The following FOXM1 variants were observed in gnomAD, a reference collection of about 807,000 sequenced individuals.
FOXM1 encodes the protein forkhead box M1, also known as forkhead box protein M1.
Under a neutral mutation model 63.6 loss-of-function variants are expected in FOXM1, and 25 were observed. The observed-to-expected ratio is 0.39, with a 90% confidence interval of 0.29 to 0.55. The LOEUF is 0.55. Ranked by LOEUF, FOXM1 falls within the 20% of genes least tolerant of loss-of-function variation. The pLI is 0.60. For synonymous variants in FOXM1, 387 were observed against 376.9 expected (o/e 1.03, Z -0.31); for missense variants, 879 against 958.7 (o/e 0.92, Z 1.10).
Position 2,859,135 on chromosome 12 carries a change from TA to T in FOXM1, c.1794del (p.Phe598LeufsTer35). On this transcript the variant is annotated frameshift_variant, in exon 9 of 9. Transcript: ENST00000359843. LOFTEE classifies it high-confidence loss of function. ...GGCAGCGTTTCCTTAATGGGTGTCT[TA>T]AAAGGTCCTCCCACTTCCTGGGAGT... ...LSYSQEVGGP[F>X]KTPIKETLPI... The T allele has an allele frequency of 1.2e-6, 2 of 1,606,046 alleles. No individual in the cohort carries two copies. Among genetic ancestry groups the T allele is most frequent in the African/African-American group, 2.7e-5 (2 of 74,758 alleles).
At chr12:2,866,298 C>G (rs2098123018) in intron 5 of FOXM1, 95 bp downstream of exon 5, 1 of 1,286,734 alleles carries the variant, frequency 7.8e-7, no homozygotes, top group Non-Finnish European at 1.0e-6. Flanking sequence ...CTCCCCTGAT[C>G]AAATGAAAGC....
In FOXM1 at chr12:2,871,065, G is replaced by A. The variant is rs964244335; in HGVS notation, c.654+1031C>T. On this transcript the variant is annotated intron_variant, in intron 3 of 8. Coordinates refer to ENST00000359843, the MANE Select transcript of FOXM1 (RefSeq NM_021953.4). ...GCCTTCTTGAGGGTGGAGAGTGGGA[G>A]GAGGGGGAGACAGAAAAACTACCTA... Among the ~76,000 whole-genome samples the A allele has an allele frequency of 7.2e-5, 11 of 151,732 alleles. 1 individual carries two copies. The South Asian group carries it at 2.3e-3, about 32-fold the overall frequency.
rs2098098108 is a variant in FOXM1, at chr12:2,858,695, C to T, written c.2235G>A (p.Glu745=). 2 of 1,614,054 alleles carry T rather than the reference C, an allele frequency of 1.2e-6. No individual in the cohort carries two copies. Among genetic ancestry groups the T allele is most frequent in the Non-Finnish European group, 1.7e-6 (2 of 1,180,036 alleles). The change falls in exon 9 of 9, where the codon GAG becomes GAA. Residue 745 remains glutamate, a synonymous_variant. Coordinates refer to ENST00000359843, the MANE Select transcript of FOXM1 (RefSeq NM_021953.4). ...LLDISFPGLD[E]DPLGPDNINW... is the part of the protein sequence containing the mutation. ...TGATGTTGTCAGGGCCCAGTGGGTC[C>T]TCGTCCAGGCCAGGAAAGCTGATGT... is the stretch of plus-strand genomic sequence containing the variant.
intron 3 of FOXM1, among the ~76,000 whole-genome samples, chr12:2,871,249 C>T (rs1441887413): frequency 1.3e-5 from 2 of 152,104 alleles, no homozygotes; most frequent in Non-Finnish European, 2.9e-5. Context: ...GTGATTTACA[C>T]ATATATACAA....
At chr12:2,860,402 A>C (rs1245055043) in intron 8 of FOXM1, among the ~76,000 whole-genome samples, 1 of 151,226 alleles carries the variant, frequency 6.6e-6, no homozygotes, top group Non-Finnish European at 1.5e-5. Context: ...TGGGAAGATC[A>C]CTTGAGCCTG....
rs774228254 is a variant in FOXM1, at chr12:2,858,356, G to A, written c.*282C>T. On this transcript the variant is annotated 3_prime_UTR_variant, in exon 9 of 9. Coordinates refer to ENST00000359843, the MANE Select transcript of FOXM1 (RefSeq NM_021953.4). ...GGTAAGAGACTGCTGGGCAGAGAAT[G>A]GAAACAGGCTGGGGGGTTCCTAATC... 2 of 406,354 alleles carry A rather than the reference G, an allele frequency of 4.9e-6. No individual in the cohort carries two copies. Among genetic ancestry groups the A allele is most frequent in the South Asian group, 9.8e-5 (2 of 20,398 alleles). The allele number at this position is 406,354 out of a possible 1,614,324, so 25.2% of individuals were successfully genotyped here.
Position 2,874,907 on chromosome 12 carries a change from T to A in FOXM1, c.-47-382A>T, listed in dbSNP as rs1324440052. ...TGACTGTATGGACAGAAATGGAAGA[T>A]GCTAGAATAGGAAAGCATATGGTAA... On this transcript the variant is annotated intron_variant, in intron 1 of 8. Transcript: ENST00000359843. The surrounding 1 kb of genome is among the most constrained non-coding windows in gnomAD (Gnocchi z 4.3). Among the ~76,000 whole-genome samples the A allele has an allele frequency of 6.6e-6, 1 of 152,110 alleles. No homozygotes were observed. The highest frequency in any genetic ancestry group is 1.5e-5 in the Non-Finnish European group (1 of 68,036).
chr12:2,873,917 C>A (rs1163588538), intron 2 of FOXM1, 60 bp downstream of exon 2: 1 of 1,539,932 alleles, frequency 6.5e-7, no homozygotes, highest in Non-Finnish European at 8.8e-7. Context: ...TGACTACACA[C>A]CTTGCCACTA....
chr12:2,875,080 C>T (rs2098140024), intron 1 of FOXM1, among the ~76,000 whole-genome samples: 2 of 150,080 alleles, frequency 1.3e-5, no homozygotes, highest in Admixed American at 6.7e-5. Flanking sequence ...GCAACCTCTG[C>T]CTCCTGGGTT....
rs890270575 is a variant in FOXM1 at position 2,873,423 on chromosome 12, G to A, written c.502+554C>T. On this transcript the variant is annotated intron_variant, in intron 2 of 8. Transcript: ENST00000359843. ...CAAAAAAAAAAAAAAAAAAAAGAAG[G>A]AAAATGAAGTCAGGCGCTGTCGTTC... Among the ~76,000 whole-genome samples the A allele has an allele frequency of 6.1e-5, 9 of 147,632 alleles. No individual in the cohort carries two copies. In the South Asian group the frequency reaches 1.7e-3, roughly 28 times the overall value.
intron 2 of FOXM1, 106 bp downstream of exon 2, chr12:2,873,871 C>G (rs2098137471): frequency 4.5e-6 from 6 of 1,323,392 alleles, no homozygotes; most frequent in Non-Finnish European, 6.2e-6. Context: ...AGCCACTGTG[C>G]TCGGCCAGAA....
Position 2,859,024 on chromosome 12 carries a change from C to T in FOXM1, c.1906G>A (p.Asp636Asn). The change falls in exon 9 of 9, where the codon GAT becomes AAT. Residue 636 changes from aspartate (D) to asparagine (N), a missense_variant. This residue lies in a region of FOXM1 where 486 missense variants were observed against 453.5 expected (regional missense o/e 1.07). Transcript: ENST00000359843. ...LTPPAKVGGL[D>N]FSPVQTSQGA... ...TGGGAGGTTTGTACTGGGCTGAAAT[C>T]CAGTCCCCCTACTTTGGCTGGGGGC... 3 of 1,611,444 alleles carry T rather than the reference C, an allele frequency of 1.9e-6. No homozygotes were observed. Among genetic ancestry groups the T allele is most frequent in the Non-Finnish European group, 2.5e-6 (3 of 1,178,732 alleles).
rs779761386 is a variant in FOXM1, at chr12:2,859,268, A to C, written c.1662T>G (p.Cys554Trp). 5.6e-6 allele frequency: 9 copies of C among 1,613,702 alleles called. No individual in the cohort carries two copies. Among genetic ancestry groups the C allele is most frequent in the Non-Finnish European group, 7.6e-6 (9 of 1,179,998 alleles). ...SRRKQHLLPP[C>W]VDEPELLFSE... ...AGAAGAGCAGCTCCGGCTCATCCAC[A>C]CAGGGAGGCAGTAGATGCTGTTTTC... Residue 554 changes from cysteine to tryptophan, a missense_variant, in exon 9 of 9, where the codon TGT becomes TGG. Cys to Trp is a radical substitution (Grantham distance 215). This residue lies in a region of FOXM1 where 486 missense variants were observed against 453.5 expected (regional missense o/e 1.07). Coordinates refer to ENST00000359843, the MANE Select transcript of FOXM1 (RefSeq NM_021953.4).
intron 3 of FOXM1, among the ~76,000 whole-genome samples, chr12:2,869,815 G>A (rs911965270): frequency 2.7e-5 from 4 of 150,678 alleles, no homozygotes; most frequent in African/African-American, 7.4e-5. Context: ...TAGAACTTAC[G>A]GGCTCAAGCA....
Position 2,859,095 on chromosome 12 carries a change from G to C in FOXM1, c.1835C>G (p.Pro612Arg), listed in dbSNP as rs1312502969. The change falls in exon 9 of 9, where the codon CCG (proline) becomes CGG (arginine). Residue 612 changes from proline (P) to arginine (R), a missense_variant. Physicochemically the swap from Pro to Arg is moderately radical, Grantham distance 103 (BLOSUM62 -2). Coordinates refer to ENST00000359843, the MANE Select transcript of FOXM1 (RefSeq NM_021953.4). ...IKETLPISST[P>R]SKSVLPRTPE... is the part of the protein sequence containing the mutation. The stretch of plus-strand genomic sequence containing the variant: ...GGTTCTGGGGAGGACAGATTTGCTC[G>C]GGGTGGAGGAGATGGGCAGCGTTTC... 1.2e-6 allele frequency: 2 copies of C among 1,606,172 alleles called. No individual in the cohort carries two copies. The highest frequency in any genetic ancestry group is 1.7e-6 in the Non-Finnish European group (2 of 1,177,020).
intron 4 of FOXM1, among the ~76,000 whole-genome samples, chr12:2,867,047 G>A (rs565326534): frequency 5.9e-5 from 9 of 152,282 alleles, no homozygotes; most frequent in African/African-American, 1.7e-4. Flanking sequence ...CAGCTACTCG[G>A]GAGGCTGAGG....
rs2098093678 is a variant in FOXM1 at position 2,857,916 on chromosome 12, A to G, written c.*722T>C. On this transcript the variant is annotated 3_prime_UTR_variant, in exon 9 of 9. Transcript: ENST00000359843. ...AACATCTAATAGCGCACATCTGGGC[A>G]CCCACACTCTGCTTCAGTTGCATCC... 6.6e-6 allele frequency: 1 copy of G among 152,466 alleles called. No homozygotes were observed. Among genetic ancestry groups the G allele is most frequent in the Admixed American group, 6.5e-5 (1 of 15,272 alleles). 9.4% of individuals were successfully genotyped at this position (152,466 alleles called of 1,614,324 possible).
chr12:2,864,270 A>G lies in FOXM1; in HGVS notation c.1266+50T>C, dbSNP rs775192093. On this transcript the variant is annotated intron_variant, in intron 8 of 8. Coordinates refer to ENST00000359843, the MANE Select transcript of FOXM1 (RefSeq NM_021953.4). The surrounding 1 kb of genome is among the most constrained non-coding windows in gnomAD (Gnocchi z 5.1). Reference sequence around the variant, plus strand: ...GAGTGCTTTGCAAGCTGAAGGTCCAACATTCTTAATTGGCCAGAATCTCTC... The same window carrying G: ...GAGTGCTTTGCAAGCTGAAGGTCCAGCATTCTTAATTGGCCAGAATCTCTC... The G allele has an allele frequency of 2.0e-6, 3 of 1,521,122 alleles. No individual in the cohort carries two copies. Among genetic ancestry groups the G allele is most frequent in the Non-Finnish European group, 2.7e-6 (3 of 1,114,844 alleles). The allele number at this position is 1,521,122 out of a possible 1,614,324, so 94.2% of individuals were successfully genotyped here.
chr12:2,868,563 CT>C lies in FOXM1; in HGVS notation c.845del (p.Lys282ArgfsTer37). On this transcript the variant is annotated frameshift_variant and splice_region_variant, in exon 4 of 9. Coordinates refer to ENST00000359843, the MANE Select transcript of FOXM1 (RefSeq NM_021953.4). LOFTEE classifies it high-confidence loss of function. ...TTTTGGTTGCTGTGGGACACATTAC[CT>C]TCCAGCCTGGCTTGGCAATGTGCTT... ...YFKHIAKPGWKNSIRHNLSLH... is the reference protein window; with the variant it reads ...YFKHIAKPGWXNSIRHNLSLH... 1 of 1,606,110 alleles carries C rather than the reference CT, an allele frequency of 6.2e-7. No individual in the cohort carries two copies. Among genetic ancestry groups the C allele is most frequent in the Non-Finnish European group, 8.5e-7 (1 of 1,175,522 alleles).
Sources: allele counts gnomAD v4.1 joint callset (sites outside exome capture counted in the v4.1 genomes callset), GRCh38; gene constraint gnomAD v4.1.1; regional missense constraint gnomAD v4.1.1; non-coding constraint Gnocchi (gnomAD v3.1); transcripts MANE v1.5; gene names NCBI Gene and HGNC (gene_info 2026-07-23, HGNC 2026-07-21).